Variants in ADARB2 observed in about 807,000 individuals in gnomAD.
The protein encoded by ADARB2 is inactive double-stranded RNA-specific editase B2.
Under a neutral mutation model 62.2 loss-of-function variants are expected in ADARB2, and 25 were observed. That is an observed-to-expected ratio of 0.40 (90% CI 0.29 to 0.56). The LOEUF is 0.56. ADARB2 is among the 20% of genes least tolerant of loss of function. The probability of loss-of-function intolerance (pLI) is 0.43; values close to 1 mark genes in which losing one functional copy is unlikely to be tolerated. For missense variants in ADARB2, 1,071 were observed against 1,077.4 expected, an observed-to-expected ratio of 0.99 and a Z score of 0.08; for synonymous variants, 572 against 500.8, an observed-to-expected ratio of 1.14 and a Z score of -1.90.
At chr10:1,425,384 T>A (rs1163419192) in intron 1 of ADARB2, among the ~76,000 whole-genome samples, 1 of 152,244 alleles carries the variant, frequency 6.6e-6, no homozygotes, top group Non-Finnish European at 1.5e-5. Context: ...GCATAGAGAC[T>A]ATGCTTTGTC....
chr10:1,446,002 G>A (rs1391251195), intron 1 of ADARB2, among the ~76,000 whole-genome samples: 3 of 152,176 alleles, frequency 2.0e-5, no homozygotes, highest in Admixed American at 6.5e-5. Flanking sequence ...CTCTCACCAT[G>A]TAAAGCTCCT....
chr10:1,216,247 TGGG>T (rs1452800188), intron 7 of ADARB2: 1 of 68,342 alleles, frequency 1.5e-5, no homozygotes, highest in African/African-American at 6.2e-5. Flanking sequence ...AGACCGAGGT[TGGG>T]GGAGGTCTCG....
At position 1,408,297 on chromosome 10, in the gene ADARB2, C is replaced by T. The variant is rs978659537; in HGVS notation, c.101-29137G>A. On this transcript the variant is annotated intron_variant, in intron 1 of 9. Coordinates refer to ENST00000381312, the MANE Select transcript of ADARB2 (RefSeq NM_018702.4). ...ATGAAAATATATCCCACAGCATGGT[C>T]GACCATTCCCAGATTGCTGGATATA... Among the ~76,000 whole-genome samples, 20 of 152,298 alleles carry T rather than the reference C, an allele frequency of 1.3e-4. 1 individual carries two copies. Among genetic ancestry groups the T allele is most frequent in the Middle Eastern group, 3.4e-3 (1 of 294 alleles).
intron 1 of ADARB2, among the ~76,000 whole-genome samples, chr10:1,614,250 A>G (rs535701331): frequency 2.0e-5 from 3 of 152,370 alleles, no homozygotes; most frequent in East Asian, 3.9e-4. Context: ...TGATTACATT[A>G]ACAGAACATC....
intron 1 of ADARB2, among the ~76,000 whole-genome samples, chr10:1,520,356 A>G (rs1312565516): frequency 6.6e-6 from 1 of 152,228 alleles, no homozygotes; most frequent in African/African-American, 2.4e-5. Flanking sequence ...TCAAAATTGA[A>G]GAAGCACTTA....
At chr10:1,227,226 C>T (rs1402973978) in intron 6 of ADARB2, among the ~76,000 whole-genome samples, 2 of 152,254 alleles carry the variant, frequency 1.3e-5, no homozygotes, top group African/African-American at 2.4e-5. Flanking sequence ...ATATAATCTC[C>T]TGGTATGCCA....
At position 1,704,332 on chromosome 10, in the gene ADARB2, T is replaced by A. The variant is rs878955821; in HGVS notation, c.100+32719A>T. On this transcript the variant is annotated intron_variant, in intron 1 of 9. Transcript: ENST00000381312. The surrounding 1 kb of genome is among the most constrained non-coding windows in gnomAD (Gnocchi z 5.6). ...TGTAGAATCAGTGGGAGTCCTGAGC[T>A]TGTTTTCCTGCAACTCGATGGCCCC... is the stretch of plus-strand genomic sequence containing the variant. Among the ~76,000 whole-genome samples, 1 of 152,236 alleles carries A rather than the reference T, an allele frequency of 6.6e-6. No homozygotes were observed. The highest frequency in any genetic ancestry group is 2.4e-5 in the African/African-American group (1 of 41,452).
Position 1,459,875 on chromosome 10 carries a change from C to A in ADARB2, c.101-80715G>T, listed in dbSNP as rs536741544. 1.1e-4 allele frequency among the ~76,000 whole-genome samples: 16 copies of A among 152,350 alleles called. 1 individual carries two copies. The South Asian group carries it at 3.3e-3, about 32-fold the overall frequency. On this transcript the variant is annotated intron_variant, in intron 1 of 9. Transcript: ENST00000381312. The stretch of plus-strand genomic sequence containing the variant: ...AGGATCAGGAAAAATAACGAATGTG[C>A]ATGAGGCTTAACACCTGGCTGACAT...
chr10:1,642,103 C>T (rs1432484158), intron 1 of ADARB2, among the ~76,000 whole-genome samples: 1 of 151,924 alleles, frequency 6.6e-6, no homozygotes, highest in South Asian at 2.1e-4. Flanking sequence ...TTTTTTAGAC[C>T]AAAAAGTCTC....
chr10:1,213,738 C>G (rs146833802), intron 7 of ADARB2, among the ~76,000 whole-genome samples: 17 of 152,378 alleles, frequency 1.1e-4, no homozygotes, highest in Admixed American at 2.0e-4. Context: ...CACTGAAAGC[C>G]CCTGGCCAGG....
chr10:1,187,801 G>A (rs1300363438), intron 8 of ADARB2: 4 of 407,416 alleles, frequency 9.8e-6, no homozygotes, highest in South Asian at 3.5e-5. Flanking sequence ...AGGCGCTGGC[G>A]GGTGGGCTGC....
intron 5 of ADARB2, among the ~76,000 whole-genome samples, chr10:1,235,034 AC>A (rs1830851841): frequency 6.6e-6 from 1 of 152,126 alleles, no homozygotes; most frequent in African/African-American, 2.4e-5. Flanking sequence ...GGCGAGAGCC[AC>A]CACACTGGGC....
chr10:1,659,205 A>G (rs1391089594), intron 1 of ADARB2, among the ~76,000 whole-genome samples: 1 of 152,236 alleles, frequency 6.6e-6, no homozygotes, highest in East Asian at 1.9e-4. Context: ...CAGCGGCAGT[A>G]TACCAAATTG....
At chr10:1,357,081 AG>A (rs1488724609) in intron 3 of ADARB2, among the ~76,000 whole-genome samples, 1 of 152,194 alleles carries the variant, frequency 6.6e-6, no homozygotes, top group East Asian at 1.9e-4. Flanking sequence ...CTGTCTGCAC[AG>A]GGGGTTAAAA....
chr10:1,277,520 C>T (rs985765101), intron 3 of ADARB2, among the ~76,000 whole-genome samples: 3 of 152,182 alleles, frequency 2.0e-5, no homozygotes, highest in Non-Finnish European at 4.4e-5. Flanking sequence ...TGGATAAATT[C>T]CTCGACACAT....
intron 1 of ADARB2, among the ~76,000 whole-genome samples, chr10:1,506,907 C>T (rs1010574413): frequency 2.6e-5 from 4 of 152,196 alleles, no homozygotes; most frequent in Non-Finnish European, 2.9e-5. Flanking sequence ...CGATCCCTGC[C>T]GTGTGAGGAC....
chr10:1,665,733 A>G (rs1340018440), intron 1 of ADARB2, among the ~76,000 whole-genome samples: 2 of 152,130 alleles, frequency 1.3e-5, no homozygotes, highest in Non-Finnish European at 2.9e-5. Context: ...GGTCCGGGGG[A>G]AGGGAGGGGC....
At chr10:1,199,201 G>A (rs543104865) in intron 8 of ADARB2, among the ~76,000 whole-genome samples, 3 of 149,696 alleles carry the variant, frequency 2.0e-5, no homozygotes, top group Admixed American at 1.3e-4. Context: ...GGCTGGCGGT[G>A]ATTCGGAAAC....
chr10:1,487,679 G>T (rs527879277), intron 1 of ADARB2, among the ~76,000 whole-genome samples: 2 of 152,310 alleles, frequency 1.3e-5, no homozygotes, highest in South Asian at 4.1e-4. Context: ...AACGGACATG[G>T]TTTAGGGAAA....
Sources: gnomAD v4.1 joint callset for allele counts (sites outside exome capture counted in the v4.1 genomes callset) on GRCh38, gnomAD v4.1.1 for gene constraint, Gnocchi (gnomAD v3.1) non-coding constraint, MANE v1.5 for transcripts, NCBI Gene and HGNC (gene_info 2026-07-23, HGNC 2026-07-21) for gene names.